The following RAD50 variants were observed in gnomAD, a reference collection of about 807,000 sequenced individuals.
RAD50 encodes RAD50 double strand break repair protein, also known as DNA repair protein RAD50.
RAD50 carries 132 observed loss-of-function variants against 168.8 expected under a neutral mutation model. The ratio of observed to expected loss-of-function variants is 0.78; its 90% CI spans 0.68 to 0.90. The LOEUF (loss-of-function observed/expected upper bound fraction) is 0.90. Among genes scored for constraint, RAD50 ranks in the 40% least tolerant of loss-of-function variants. The pLI, the probability that RAD50 is intolerant of heterozygous loss-of-function variation, is 0.00. For synonymous variants in RAD50, 525 were observed against 497.4 expected (o/e 1.06, Z -0.74); for missense variants, 1,347 against 1,534.4 (o/e 0.88, Z 2.04).
intron 23 of RAD50, among the ~76,000 whole-genome samples, chr5:132,639,978 C>G (rs1280354165): frequency 2.0e-5 from 3 of 152,164 alleles, no homozygotes; most frequent in Non-Finnish European, 4.4e-5. Flanking sequence ...GTAGTTTATA[C>G]TTCCTAGAAT....
chr5:132,604,325 G>C (rs1280690026), intron 15 of RAD50, among the ~76,000 whole-genome samples: 1 of 151,190 alleles, frequency 6.6e-6, no homozygotes, highest in Non-Finnish European at 1.5e-5. Context: ...GAGTGCAATG[G>C]TGCAATCTTG....
intron 2 of RAD50, among the ~76,000 whole-genome samples, chr5:132,565,342 A>G (rs1750189353): frequency 6.6e-6 from 1 of 151,964 alleles, no homozygotes; most frequent in African/African-American, 2.4e-5. Context: ...CATAATCTTA[A>G]TATATTGACT....
At chr5:132,574,105 A>G (rs1451583710) in intron 2 of RAD50, among the ~76,000 whole-genome samples, 1 of 152,212 alleles carries the variant, frequency 6.6e-6, no homozygotes, top group Non-Finnish European at 1.5e-5. Context: ...TCCACTAGGC[A>G]GTCCCCTCCA....
intron 21 of RAD50, among the ~76,000 whole-genome samples, chr5:132,624,613 A>G (rs1354240420): frequency 6.6e-6 from 1 of 152,166 alleles, no homozygotes; most frequent in African/African-American, 2.4e-5. Context: ...GTAAAAACCT[A>G]TTTTGCCAGG....
At chr5:132,581,743 T>G (rs920274460) in intron 5 of RAD50, among the ~76,000 whole-genome samples, 1 of 152,194 alleles carries the variant, frequency 6.6e-6, no homozygotes, top group Non-Finnish European at 1.5e-5. Context: ...AGAAAGCTAA[T>G]GGATTTCAGA....
At chr5:132,576,045 T>G in intron 3 of RAD50, 117 bp downstream of exon 3, 1 of 1,071,424 alleles carries the variant, frequency 9.3e-7, no homozygotes, top group Non-Finnish European at 1.3e-6. Context: ...TTCAATAGAC[T>G]TTAGACTTTA....
rs876658778 is a variant in RAD50, at chr5:132,637,127, A to G, written c.3402A>G (p.Lys1134=). 21 of 1,609,556 alleles carry G rather than the reference A, an allele frequency of 1.3e-5. No homozygotes were observed. Among genetic ancestry groups the G allele is most frequent in the Non-Finnish European group, 1.8e-5 (21 of 1,177,402 alleles). The part of the protein sequence containing the change: ...YYKTLDQAIM[K]FHSMKMEEIN... ...CTTCCTTTTCCAGAGCAATAATGAA[A>G]TTTCACAGTATGAAAATGGAAGAAA... is the stretch of plus-strand genomic sequence containing the variant. Residue 1134 remains lysine (K), a synonymous_variant, in exon 22 of 25, where the codon AAA becomes AAG. Transcript: ENST00000378823.
chr5:132,643,254 C>T lies in RAD50; in HGVS notation c.*890C>T. 3.7e-6 allele frequency: 1 copy of T among 271,546 alleles called. No homozygotes were observed. Among genetic ancestry groups the T allele is most frequent in the Admixed American group, 4.0e-5 (1 of 24,836 alleles). The allele number at this position is 271,546 out of a possible 1,614,324, so 16.8% of individuals were successfully genotyped here. On this transcript the variant is annotated 3_prime_UTR_variant, in exon 25 of 25. Coordinates refer to ENST00000378823, the MANE Select transcript of RAD50 (RefSeq NM_005732.4). ...GTCAAGGCCTGCTCCCTGTAGGGTC[C>T]AACCAGACCTGGAAGAACAGGCCTC...
Position 132,557,032 on chromosome 5 carries a change from G to A in RAD50, c.-293G>A. 1 of 660,658 alleles carries A rather than the reference G, an allele frequency of 1.5e-6. No homozygotes were observed. Among genetic ancestry groups the A allele is most frequent in the Non-Finnish European group, 2.4e-6 (1 of 421,202 alleles). 40.9% of individuals were successfully genotyped at this position (660,658 alleles called of 1,614,324 possible). ...GCTGTGAGTGCGCGGTTGCGGGGTCGCATTGTGGCTACGGCTTTGCGTCCC... is the reference window on the plus strand; with the variant it reads ...GCTGTGAGTGCGCGGTTGCGGGGTCACATTGTGGCTACGGCTTTGCGTCCC... On this transcript the variant is annotated 5_prime_UTR_variant, in exon 1 of 25. Transcript: ENST00000378823.
chr5:132,574,716 C>CGCTTGAAT (rs1750363831), intron 2 of RAD50, among the ~76,000 whole-genome samples: 1 of 152,032 alleles, frequency 6.6e-6, no homozygotes, highest in African/African-American at 2.4e-5. Context: ...CCCAAGTCAC[C>CGCTTGAAT]GCTTGAATGC....
chr5:132,628,917 G>A (rs866197454), intron 21 of RAD50, among the ~76,000 whole-genome samples: 12 of 152,074 alleles, frequency 7.9e-5, no homozygotes, highest in African/African-American at 2.4e-4. Flanking sequence ...CTCCTGTGAC[G>A]GGGAGCAAGA....
rs746391165 is a variant in RAD50 at position 132,594,851 on chromosome 5, T to C, written c.1794-18T>C. The C allele has an allele frequency of 6.3e-7, 1 of 1,586,300 alleles. No homozygotes were observed. The highest frequency in any genetic ancestry group is 8.7e-7 in the Non-Finnish European group (1 of 1,155,726). The stretch of plus-strand genomic sequence containing the variant: ...TCTCCTATTTTAAAATGAAAATCCA[T>C]ATTTGCTCTTATTTTAGCAAGGAAC... On this transcript the variant is annotated intron_variant, in intron 11 of 24. Transcript: ENST00000378823.
rs370165138 is a variant in RAD50 at position 132,616,162 on chromosome 5, A to G, written c.3164+32A>G. 3.8e-6 allele frequency: 6 copies of G among 1,594,668 alleles called. No individual in the cohort carries two copies. The East Asian group carries it at 1.3e-4, about 36-fold the overall frequency. On this transcript the variant is annotated intron_variant, in intron 20 of 24. Coordinates refer to ENST00000378823, the MANE Select transcript of RAD50 (RefSeq NM_005732.4). ...TTTTAAAATAATCTTCAGTTTAAATAAACGTCTTTATTACTGGAATGTGAA... is the reference window on the plus strand; with the variant it reads ...TTTTAAAATAATCTTCAGTTTAAATGAACGTCTTTATTACTGGAATGTGAA...
At position 132,615,989 on chromosome 5, in the gene RAD50, A is replaced by G. The variant is rs1364692111; in HGVS notation, c.3037-14A>G. On this transcript the variant is annotated splice_polypyrimidine_tract_variant and intron_variant, in intron 19 of 24. Transcript: ENST00000378823. ...TTGGTTATTTTTGTTAACTAATTTA[A>G]TGTTTACCTTTAGATACAAGAAAGG... 2.5e-6 allele frequency: 4 copies of G among 1,571,318 alleles called. No homozygotes were observed. In the Admixed American group the frequency reaches 6.7e-5, roughly 26 times the overall value.
intron 13 of RAD50, among the ~76,000 whole-genome samples, chr5:132,600,485 C>T (rs949389832): frequency 1.3e-5 from 2 of 152,132 alleles, no homozygotes; most frequent in Admixed American, 6.6e-5. Context: ...TAGTGGGGAG[C>T]CATATCTTGC....
At chr5:132,597,671 G>A (rs905297862) in intron 13 of RAD50, among the ~76,000 whole-genome samples, 13 of 152,192 alleles carry the variant, frequency 8.5e-5, no homozygotes, top group African/African-American at 3.1e-4. Context: ...GCTTGATTGC[G>A]ACTTCATGCG....
At chr5:132,628,522 A>G (rs1561654940) in intron 21 of RAD50, among the ~76,000 whole-genome samples, 8 of 152,134 alleles carry the variant, frequency 5.3e-5, no homozygotes, top group Admixed American at 5.2e-4. Flanking sequence ...AGCCCGGTCA[A>G]GTTGGGTGGG....
chr5:132,606,930 T>C (rs1262488588), intron 16 of RAD50, among the ~76,000 whole-genome samples: 1 of 152,234 alleles, frequency 6.6e-6, no homozygotes, highest in Non-Finnish European at 1.5e-5. Flanking sequence ...CGCTTCATGC[T>C]AAAAGCTCTC....
chr5:132,595,072 A>T, intron 12 of RAD50, 28 bp downstream of exon 12: 12 of 1,580,270 alleles, frequency 7.6e-6, no homozygotes, highest in Non-Finnish European at 9.6e-6. Context: ...TATTATCAGG[A>T]TACTTTGACA....
Sources: gnomAD v4.1 joint callset for allele counts (sites outside exome capture counted in the v4.1 genomes callset) on GRCh38, gnomAD v4.1.1 for gene constraint, MANE v1.5 for transcripts, NCBI Gene and HGNC (gene_info 2026-07-23, HGNC 2026-07-21) for gene names.